Variants in SEMA3D observed in about 807,000 individuals in gnomAD.
The protein encoded by SEMA3D is semaphorin 3D, also known as semaphorin-3D.
In SEMA3D, 84 loss-of-function variants were observed where a neutral mutation model predicts 100.1. The ratio of observed to expected loss-of-function variants is 0.84; its 90% CI spans 0.70 to 1.01. SEMA3D has a LOEUF of 1.01. Among genes scored for constraint, SEMA3D ranks in the 50% least tolerant of loss-of-function variants. The pLI, the probability that SEMA3D is intolerant of heterozygous loss-of-function variation, is 0.00. For synonymous variants in SEMA3D, 312 were observed against 320.7 expected, an observed-to-expected ratio of 0.97 and a Z score of 0.29; for missense variants, 875 against 934.1, an observed-to-expected ratio of 0.94 and a Z score of 0.82.
rs190978661 is a variant in SEMA3D, at chr7:85,057,704, G to A, written c.719-1845C>T. The stretch of plus-strand genomic sequence containing the variant: ...TCCCAGCACTTTGGGAGGCTGAGGC[G>A]GGTGGATCACTTGAGGTCAGTAGTT... On this transcript the variant is annotated intron_variant, in intron 8 of 18. Transcript: ENST00000284136. Among the ~76,000 whole-genome samples the A allele has an allele frequency of 2.6e-5, 4 of 152,120 alleles. No individual in the cohort carries two copies. The East Asian group carries it at 7.7e-4, about 29-fold the overall frequency.
the SEMA3D span, among the ~76,000 whole-genome samples, chr7:85,194,788 T>C: frequency 3.3e-5 from 5 of 152,160 alleles, no homozygotes; most frequent in Admixed American, 2.0e-4. Flanking sequence ...TCATCAGGGT[T>C]AGTTTATTCT....
At chr7:85,024,064 A>C (rs572176281) in intron 12 of SEMA3D, among the ~76,000 whole-genome samples, 4 of 151,960 alleles carry the variant, frequency 2.6e-5, no homozygotes, top group Non-Finnish European at 4.4e-5. Flanking sequence ...CTGCACGTTC[A>C]GTCATTATTT....
At chr7:85,169,246 G>GTTTTA (rs1373154609) in intron 1 of SEMA3D, among the ~76,000 whole-genome samples, 1 of 151,736 alleles carries the variant, frequency 6.6e-6, no homozygotes, top group Non-Finnish European at 1.5e-5. Context: ...AAAACCTTCA[G>GTTTTA]ACACTAGTTC....
rs376233010 is a variant in SEMA3D at position 85,142,779 on chromosome 7, G to C, written c.-41+10829C>G. The C allele has an allele frequency of 3.3e-5, 32 of 983,112 alleles. No homozygotes were observed. The South Asian group carries it at 1.4e-3, about 42-fold the overall frequency. The allele number at this position is 983,112 out of a possible 1,614,324, so 60.9% of individuals were successfully genotyped here. On this transcript the variant is annotated intron_variant, in intron 2 of 18. Coordinates refer to ENST00000284136, the MANE Select transcript of SEMA3D (RefSeq NM_001384900.1). The stretch of plus-strand genomic sequence containing the variant: ...AGAAAGATTCCCAGACTAACCACAT[G>C]ATGTGAATGGAATAACCTTTTCTCT...
chr7:85,012,686 T>C (rs1002249489), intron 17 of SEMA3D, 96 bp downstream of exon 17: 9 of 906,668 alleles, frequency 9.9e-6, no homozygotes, highest in East Asian at 2.6e-5. Context: ...GGAGATATTC[T>C]TATATAATAG....
the SEMA3D span, among the ~76,000 whole-genome samples, chr7:85,223,764 A>C: frequency 6.6e-6 from 1 of 152,044 alleles, no homozygotes; most frequent in South Asian, 2.1e-4. Context: ...GGACTCTGGG[A>C]GGGGTGAGGG....
intron 14 of SEMA3D, 50 bp downstream of exon 14, chr7:85,020,183 G>T: frequency 8.2e-7 from 1 of 1,217,172 alleles, no homozygotes; most frequent in Non-Finnish European, 1.2e-6. Context: ...TATAACAAGC[G>T]CTACTCAGTT....
intron 1 of SEMA3D, among the ~76,000 whole-genome samples, chr7:85,179,712 A>T (rs1247621838): frequency 1.3e-5 from 2 of 148,484 alleles, no homozygotes; most frequent in Non-Finnish European, 3.0e-5. Context: ...CCCAGGCCGG[A>T]CTGCAGTGGT....
intron 1 of SEMA3D, among the ~76,000 whole-genome samples, chr7:85,154,304 T>C (rs1400711730): frequency 1.3e-5 from 2 of 152,158 alleles, no homozygotes; most frequent in Non-Finnish European, 2.9e-5. Flanking sequence ...CAGTTATTAA[T>C]AACTCTTAGT....
At chr7:85,122,580 C>T (rs1363600627) in intron 2 of SEMA3D, among the ~76,000 whole-genome samples, 3 of 152,150 alleles carry the variant, frequency 2.0e-5, no homozygotes, top group African/African-American at 7.2e-5. Flanking sequence ...ATACGTGCCC[C>T]ATATCATCCC....
At chr7:85,039,856 T>C (rs1790805666) in intron 11 of SEMA3D, among the ~76,000 whole-genome samples, 1 of 152,100 alleles carries the variant, frequency 6.6e-6, no homozygotes, top group African/African-American at 2.4e-5. Context: ...TCCCATCTCA[T>C]GATTATAGCC....
the SEMA3D span, among the ~76,000 whole-genome samples, chr7:85,231,145 T>G: frequency 1.3e-5 from 2 of 152,294 alleles, no homozygotes; most frequent in African/African-American, 4.8e-5. Context: ...TTCCTTTCTC[T>G]GTCTTAAAAG....
intron 1 of SEMA3D, among the ~76,000 whole-genome samples, chr7:85,164,090 C>T (rs1173383029): frequency 6.6e-6 from 1 of 152,088 alleles, no homozygotes; most frequent in Non-Finnish European, 1.5e-5. Context: ...AAAGTTGATG[C>T]TCAGAGAAGT....
chr7:85,243,968 C>A, the SEMA3D span, among the ~76,000 whole-genome samples: 1 of 152,136 alleles, frequency 6.6e-6, no homozygotes, highest in Non-Finnish European at 1.5e-5. Context: ...GGGATGTGAT[C>A]AAGTTACAGT....
chr7:85,060,932 C>A (rs1343724864), intron 8 of SEMA3D, among the ~76,000 whole-genome samples: 1 of 152,136 alleles, frequency 6.6e-6, no homozygotes, highest in African/African-American at 2.4e-5. Flanking sequence ...CATCTGCATG[C>A]ATCTGAGGCG....
intron 4 of SEMA3D, 106 bp downstream of exon 4, chr7:85,097,699 C>T (rs1006332996): frequency 2.4e-5 from 14 of 584,644 alleles, no homozygotes; most frequent in Non-Finnish European, 3.9e-5. Flanking sequence ...GTATGTGATG[C>T]ACTGCATTTG....
chr7:85,179,787 G>C (rs1350424070), intron 1 of SEMA3D, among the ~76,000 whole-genome samples: 4 of 151,586 alleles, frequency 2.6e-5, no homozygotes, highest in African/African-American at 9.7e-5. Context: ...TCAGCCTCCT[G>C]AGTAGCTGGG....
intron 17 of SEMA3D, among the ~76,000 whole-genome samples, chr7:85,007,531 A>G (rs1789834310): frequency 6.6e-6 from 1 of 151,658 alleles, no homozygotes; most frequent in Non-Finnish European, 1.5e-5. Context: ...TCTTTTTTAT[A>G]CTGAGGGATT....
chr7:85,219,152 G>C, the SEMA3D span, among the ~76,000 whole-genome samples: 2 of 152,022 alleles, frequency 1.3e-5, no homozygotes, highest in Admixed American at 6.6e-5. Flanking sequence ...CAGGCTTGTG[G>C]GTGAAGAACC....
Sources: gnomAD v4.1 joint callset for allele counts (sites outside exome capture counted in the v4.1 genomes callset) on GRCh38, gnomAD v4.1.1 for gene constraint, MANE v1.5 for transcripts, NCBI Gene and HGNC (gene_info 2026-07-23, HGNC 2026-07-21) for gene names.